Variants in CD8B observed in about 807,000 individuals in gnomAD.
CD8B encodes the protein CD8 subunit beta, also known as T-cell surface glycoprotein CD8 beta chain.
CD8B carries 6 observed loss-of-function variants against 24.2 expected under a neutral mutation model. The observed-to-expected ratio is 0.25, with a 90% CI of 0.14 to 0.49. The LOEUF (loss-of-function observed/expected upper bound fraction) is 0.49, where lower values mean the gene tolerates loss of function less well. Among genes scored for constraint, CD8B ranks in the 20% least tolerant of loss-of-function variants. The probability of loss-of-function intolerance (pLI) is 0.98; values close to 1 mark genes in which losing one functional copy is unlikely to be tolerated. For synonymous variants in CD8B, 84 were observed against 108.3 expected (o/e 0.78, Z 1.39); for missense variants, 196 against 271.3 (o/e 0.72, Z 1.95).
chr2:86,830,029 C>T (rs1558750731), intron 5 of CD8B, among the ~76,000 whole-genome samples: 1 of 152,086 alleles, frequency 6.6e-6, no homozygotes, highest in Non-Finnish European at 1.5e-5. Flanking sequence ...TGGATGTATT[C>T]TCATTTATTT....
chr2:86,841,784 T>G lies in CD8B; in HGVS notation c.*523A>C, dbSNP rs1423086112. The G allele has an allele frequency of 1.0e-6, 1 of 985,700 alleles. No homozygotes were observed. The highest frequency in any genetic ancestry group is 1.2e-6 in the Non-Finnish European group (1 of 830,140). The allele number at this position is 985,700 out of a possible 1,614,324, so 61.1% of individuals were successfully genotyped here. ...GGCCCCAAAGGAAGCCCTCAGAGAC[T>G]GATATGCCTTCTGGGAACTGGACAG... is the stretch of plus-strand genomic sequence containing the variant. On this transcript the variant is annotated 3_prime_UTR_variant, in exon 6 of 6. Transcript: ENST00000390655.
At chr2:86,829,141 C>T (rs1674810536) in intron 5 of CD8B, among the ~76,000 whole-genome samples, 1 of 128,968 alleles carries the variant, frequency 7.8e-6, no homozygotes, top group Non-Finnish European at 1.6e-5. Flanking sequence ...GCTCTGTTGC[C>T]CAGGCTGGAG....
chr2:86,849,901 G>T (rs1460196969), intron 3 of CD8B, among the ~76,000 whole-genome samples: 1 of 151,876 alleles, frequency 6.6e-6, no homozygotes, highest in Non-Finnish European at 1.5e-5. Context: ...ACGGGGTTTC[G>T]CCATGTTGAT....
In CD8B at chr2:86,820,532, C is replaced by T. The variant is rs560257223; in HGVS notation, c.621-4814G>A. Among the ~76,000 whole-genome samples, 13 of 152,144 alleles carry T rather than the reference C, an allele frequency of 8.5e-5. No individual in the cohort carries two copies. In the South Asian group the frequency reaches 1.0e-3, roughly 12 times the overall value. On this transcript the variant is annotated intron_variant, in intron 5 of 5. Transcript: ENST00000331469. ...GTAATAAATTATTTTTTGATTAAGA[C>T]GTACTTTTTTTTTCAGACATAATGT...
At chr2:86,852,587 T>C (rs1202625845) in intron 3 of CD8B, among the ~76,000 whole-genome samples, 1 of 151,850 alleles carries the variant, frequency 6.6e-6, no homozygotes, top group African/African-American at 2.4e-5. Flanking sequence ...AATCATATAG[T>C]ATATGGATTT....
intron 5 of CD8B, among the ~76,000 whole-genome samples, chr2:86,832,227 C>T (rs1478209881): frequency 6.6e-6 from 1 of 151,996 alleles, no homozygotes; most frequent in Non-Finnish European, 1.5e-5. Flanking sequence ...GCCTGTAATC[C>T]CAGCACTTTG....
chr2:86,846,592 C>T (rs1675686952), intron 4 of CD8B, 92 bp downstream of exon 4: 1 of 636,700 alleles, frequency 1.6e-6, no homozygotes, highest in Non-Finnish European at 2.7e-6. Context: ...ACCAGGCTGC[C>T]ATCTGCTCTG....
At chr2:86,834,901 A>G (rs535728056), downstream of CD8B, among the ~76,000 whole-genome samples, 1 of 140,602 alleles carries the variant, frequency 7.1e-6, no homozygotes, top group Admixed American at 7.9e-5. Context: ...GTGCCACTGC[A>G]CTCCAGCCTG....
rs1489646620 is a variant in CD8B at position 86,842,523 on chromosome 2, G to T, written c.621-204C>A. On this transcript the variant is annotated intron_variant, in intron 5 of 5. Coordinates refer to ENST00000390655, the MANE Select transcript of CD8B (RefSeq NM_004931.5). ...CTAAAAAACAAAACAAAACAAAACT[G>T]CAGCTCAAAGAACGGTAGCTTTGAA... 5.3e-5 allele frequency among the ~76,000 whole-genome samples: 8 copies of T among 152,200 alleles called. 1 individual carries two copies.
chr2:86,844,465 A>G (rs1675575517), intron 5 of CD8B: 1 of 177,506 alleles, frequency 5.6e-6, no homozygotes, highest in African/African-American at 2.4e-5. Flanking sequence ...AGGTGGGATG[A>G]AATAACGGAT....
In CD8B at chr2:86,858,130, G is replaced by C; in HGVS notation, c.330C>G (p.Asp110Glu). 6.2e-7 allele frequency: 1 copy of C among 1,614,012 alleles called. No homozygotes were observed. The highest frequency in any genetic ancestry group is 2.2e-5 in the East Asian group (1 of 44,882). ...ILNLTSVKPEDSGIYFCMIVG... is the reference protein window; with the variant it reads ...ILNLTSVKPEESGIYFCMIVG... ...CGATCATGCAGAAGTAGATGCCACT[G>C]TCTTCCGGCTTCACGCTTGTGAGAT... Residue 110 changes from aspartate (D) to glutamate (E), a missense_variant, in exon 2 of 6, where the codon GAC (aspartate) becomes GAG (glutamate). Asp to Glu is a conservative substitution (Grantham distance 45). Transcript: ENST00000390655.
At chr2:86,828,902 C>G (rs986814557) in intron 5 of CD8B, among the ~76,000 whole-genome samples, 1 of 150,864 alleles carries the variant, frequency 6.6e-6, no homozygotes, top group African/African-American at 2.4e-5. Flanking sequence ...GTCATTATAT[C>G]TTCTCCATAT....
intron 2 of CD8B, among the ~76,000 whole-genome samples, chr2:86,853,642 G>A (rs1034413202): frequency 2.0e-5 from 3 of 152,074 alleles, no homozygotes; most frequent in Non-Finnish European, 2.9e-5. Context: ...AGAGAGGAAG[G>A]CTCTGGAGCC....
chr2:86,842,565 AG>A (rs1675486655), intron 5 of CD8B, among the ~76,000 whole-genome samples: 1 of 152,262 alleles, frequency 6.6e-6, no homozygotes. Context: ...TACTTCCTGT[AG>A]TACCTCTAAG....
intron 5 of CD8B, among the ~76,000 whole-genome samples, chr2:86,822,739 A>AC (rs1674527985): frequency 6.6e-6 from 1 of 152,124 alleles, no homozygotes; most frequent in South Asian, 2.1e-4. Flanking sequence ...AAAATAACTC[A>AC]CTTCCCTTCC....
chr2:86,843,681 A>T, intron 5 of CD8B: 4 of 985,398 alleles, frequency 4.1e-6, no homozygotes, highest in Non-Finnish European at 3.6e-6. Flanking sequence ...GCACTTGCAG[A>T]GTGGAATTTA....
intron 3 of CD8B, among the ~76,000 whole-genome samples, chr2:86,849,285 G>C (rs1224068168): frequency 6.6e-6 from 1 of 151,970 alleles, no homozygotes; most frequent in African/African-American, 2.4e-5. Flanking sequence ...CTGGGGTGTG[G>C]AGAGGAGATT....
At chr2:86,837,679 C>T (rs1429468831), downstream of CD8B, among the ~76,000 whole-genome samples, 2 of 10,246 alleles carry the variant, frequency 2.0e-4, no homozygotes, top group Non-Finnish European at 3.9e-4. Context: ...AGCTGCGGGG[C>T]GGGGGTGGGG....
rs1192431912 is a variant in CD8B, at chr2:86,851,683, G to T, written c.493+1314C>A. ...CTGAGCAGTGCGAGGCAGTGCTCCA[G>T]GGGCTGCTTGTGGTTTGTTTTCTGG... is the stretch of plus-strand genomic sequence containing the variant. On this transcript the variant is annotated intron_variant, in intron 3 of 5. Transcript: ENST00000390655. Among the ~76,000 whole-genome samples the T allele has an allele frequency of 4.6e-5, 7 of 152,286 alleles. No homozygotes were observed. The South Asian group carries it at 1.5e-3, about 32-fold the overall frequency.
Sources: allele counts gnomAD v4.1 joint callset (sites outside exome capture counted in the v4.1 genomes callset), GRCh38; gene constraint gnomAD v4.1.1; transcripts MANE v1.5; gene names NCBI Gene and HGNC (gene_info 2026-07-23, HGNC 2026-07-21).